CAV1: variants seen among roughly 807,000 people sequenced by gnomAD.
CAV1 encodes caveolin-1.
CAV1 carries 10 observed loss-of-function variants against 16.5 expected under a neutral mutation model. That is an observed-to-expected ratio of 0.61 (90% CI 0.37 to 1.03). The LOEUF (loss-of-function observed/expected upper bound fraction) is 1.03. Among genes scored for constraint, CAV1 ranks in the 50% least tolerant of loss-of-function variants. CAV1 has a pLI of 0.01. For missense variants in CAV1, 212 were observed against 232.8 expected, an observed-to-expected ratio of 0.91 and a Z score of 0.58; for synonymous variants, 76 against 85.1, an observed-to-expected ratio of 0.89 and a Z score of 0.59.
chr7:116,526,917 A>G (rs1390716436), intron 2 of CAV1: 4 of 579,970 alleles, frequency 6.9e-6, no homozygotes, highest in East Asian at 3.0e-5. Context: ...GTTCAGCTGA[A>G]ATTCAGCTAA....
chr7:116,530,399 GATAAGGAATCAA>G (rs1303613052), intron 2 of CAV1, among the ~76,000 whole-genome samples: 4 of 151,934 alleles, frequency 2.6e-5, no homozygotes, highest in Non-Finnish European at 4.4e-5. Flanking sequence ...TAATATATAT[GATAAGGAATCAA>G]AAGTAAATAC....
intron 2 of CAV1, among the ~76,000 whole-genome samples, chr7:116,530,838 A>G (rs1409477100): frequency 1.3e-5 from 2 of 152,212 alleles, no homozygotes; most frequent in African/African-American, 2.4e-5. Flanking sequence ...GGACAGCCAT[A>G]AATGACTGCA....
intron 2 of CAV1, among the ~76,000 whole-genome samples, chr7:116,544,743 G>A (rs1794005892): frequency 6.6e-6 from 1 of 152,180 alleles, no homozygotes; most frequent in Non-Finnish European, 1.5e-5. Context: ...GAATTCTAGA[G>A]GTTAGTGATT....
In CAV1 at chr7:116,559,299, A is replaced by T. The variant is rs1160595550; in HGVS notation, c.*12A>T. ...AGAAAGAAATATAAATGACATTTCA[A>T]GGATAGAAGTATACCTGATTTTTTT... On this transcript the variant is annotated 3_prime_UTR_variant, in exon 3 of 3. Transcript: ENST00000341049. The T allele has an allele frequency of 6.3e-6, 10 of 1,598,752 alleles. No homozygotes were observed. Among genetic ancestry groups the T allele is most frequent in the Non-Finnish European group, 7.7e-6 (9 of 1,166,350 alleles).
chr7:116,540,662 T>G (rs576325375), intron 2 of CAV1, among the ~76,000 whole-genome samples: 2 of 152,334 alleles, frequency 1.3e-5, no homozygotes, highest in African/African-American at 4.8e-5. Flanking sequence ...TGCAATGATC[T>G]TGTTAACATT....
intron 2 of CAV1, chr7:116,542,883 T>G (rs1217711451): frequency 6.6e-6 from 1 of 152,004 alleles, no homozygotes; most frequent in Non-Finnish European, 1.5e-5. Context: ...TTTTTCGAAA[T>G]TATGCAGCAA....
chr7:116,553,651 C>A (rs3757732), intron 2 of CAV1, among the ~76,000 whole-genome samples: 40,112 of 151,904 alleles, frequency 0.26, 5,433 homozygotes, highest in African/African-American at 0.32. Context: ...TTTTTAAGCC[C>A]ATTTTTAATT....
rs768207509 is a variant in CAV1, at chr7:116,559,439, G to C, written c.*152G>C. ...AAGATCACTTTCTCAGTTTTCATAA[G>C]TATTATGTCTCTTCTGAGCTATTTC... On this transcript the variant is annotated 3_prime_UTR_variant, in exon 3 of 3. Transcript: ENST00000341049. The C allele has an allele frequency of 2.9e-5, 19 of 649,832 alleles. No individual in the cohort carries two copies. The highest frequency in any genetic ancestry group is 7.6e-5 in the Admixed American group (3 of 39,598). 40.3% of individuals were successfully genotyped at this position (649,832 alleles called of 1,614,324 possible).
Position 116,559,614 on chromosome 7 carries a change from G to GGA in CAV1, c.*327_*328insGA, listed in dbSNP as rs1554358626. The GGA allele has an allele frequency of 2.6e-3, 1,011 of 384,562 alleles. No individual in the cohort carries two copies. The highest frequency in any genetic ancestry group is 0.013 in the East Asian group (300 of 22,838). 23.8% of individuals were successfully genotyped at this position (384,562 alleles called of 1,614,324 possible). ...GAGAGAAATATGAAGAACTGAGGAGGAAAAAAAAAAAAAAGAAAAGAACCA... is the reference window on the plus strand; with the variant it reads ...GAGAGAAATATGAAGAACTGAGGAGGGAAAAAAAAAAAAAAAGAAAAGAACCA... On this transcript the variant is annotated 3_prime_UTR_variant, in exon 3 of 3. Coordinates refer to ENST00000341049, the MANE Select transcript of CAV1 (RefSeq NM_001753.5).
chr7:116,533,332 G>A (rs185526991), intron 2 of CAV1, among the ~76,000 whole-genome samples: 283 of 124,788 alleles, frequency 2.3e-3, no homozygotes, highest in Admixed American at 3.5e-3. Flanking sequence ...GCGAGACTCC[G>A]TCTCAAAAAA....
intron 2 of CAV1, among the ~76,000 whole-genome samples, chr7:116,544,498 G>T (rs2116031648): frequency 6.6e-6 from 1 of 152,104 alleles, no homozygotes; most frequent in South Asian, 2.1e-4. Context: ...GGATGTGATA[G>T]GCTAGATGAA....
At chr7:116,531,525 A>G (rs1160357462) in intron 2 of CAV1, among the ~76,000 whole-genome samples, 2 of 152,266 alleles carry the variant, frequency 1.3e-5, no homozygotes, top group Admixed American at 6.5e-5. Flanking sequence ...TAATATCAGT[A>G]TAACAGTCAT....
chr7:116,538,938 T>C (rs3779513), intron 2 of CAV1, among the ~76,000 whole-genome samples: 11,807 of 152,128 alleles, frequency 0.078, 631 homozygotes, highest in East Asian at 0.16. Flanking sequence ...AAGAACAGTA[T>C]GGGGGAACCG....
intron 2 of CAV1, chr7:116,542,669 A>G (rs904994901): frequency 1.3e-5 from 2 of 152,220 alleles, no homozygotes; most frequent in African/African-American, 4.8e-5. Flanking sequence ...TACATGAGAT[A>G]TACTTTGTAC....
intron 2 of CAV1, among the ~76,000 whole-genome samples, chr7:116,539,363 G>T (rs1280200761): frequency 6.6e-6 from 1 of 152,064 alleles, no homozygotes; most frequent in African/African-American, 2.4e-5. Flanking sequence ...TTCTGTGGCT[G>T]CCCAGTGCCC....
intron 2 of CAV1, among the ~76,000 whole-genome samples, chr7:116,536,366 G>A (rs1345688631): frequency 6.6e-6 from 1 of 152,174 alleles, no homozygotes; most frequent in Admixed American, 6.5e-5. Flanking sequence ...TATAACCCTT[G>A]TCTCTGAAGA....
At chr7:116,548,129 C>T (rs546110788) in intron 2 of CAV1, among the ~76,000 whole-genome samples, 2 of 152,284 alleles carry the variant, frequency 1.3e-5, no homozygotes, top group South Asian at 2.1e-4. Context: ...CCAGCTGCAT[C>T]AAAATGAGGG....
intron 2 of CAV1, among the ~76,000 whole-genome samples, chr7:116,534,639 A>G (rs1317566528): frequency 6.6e-6 from 1 of 151,234 alleles, no homozygotes; most frequent in Non-Finnish European, 1.5e-5. Flanking sequence ...TGACCTTGTG[A>G]TCCGCTCGCC....
chr7:116,533,573 T>C (rs1793730806), intron 2 of CAV1, among the ~76,000 whole-genome samples: 1 of 152,130 alleles, frequency 6.6e-6, no homozygotes, highest in Non-Finnish European at 1.5e-5. Context: ...CTCAAGCAAC[T>C]CCTGAGTAAC....
Sources: allele counts gnomAD v4.1 joint callset (sites outside exome capture counted in the v4.1 genomes callset), GRCh38; gene constraint gnomAD v4.1.1; transcripts MANE v1.5; gene names NCBI Gene and HGNC (gene_info 2026-07-23, HGNC 2026-07-21).